The following UNC79 variants were observed in gnomAD, a reference collection of about 807,000 sequenced individuals.
UNC79 encodes the protein protein unc-79 homolog.
UNC79 carries 37 observed loss-of-function variants against 283.1 expected under a neutral mutation model. The observed-to-expected ratio is 0.13, with a 90% CI of 0.10 to 0.17. The LOEUF is 0.17. Ranked by LOEUF, UNC79 falls within the 10% of genes least tolerant of loss-of-function variation. UNC79 has a pLI of 1.00. For missense variants in UNC79, 2,272 were observed against 3,211.1 expected (o/e 0.71, Z 7.07); for synonymous variants, 1,107 against 1,200.2 (o/e 0.92, Z 1.61).
rs564703085 is a variant in UNC79, at chr14:93,581,374, T to C, written c.2662-829T>C. Among the ~76,000 whole-genome samples the C allele has an allele frequency of 2.3e-3, 347 of 151,682 alleles. 3 individuals carry two copies. Among genetic ancestry groups the C allele is most frequent in the African/African-American group, 8.1e-3 (333 of 41,330 alleles). On this transcript the variant is annotated intron_variant, in intron 19 of 48. Transcript: ENST00000555664. ...TTCTTTTAGAGATGAGGTCTCACTA[T>C]GTTGCCCAGGCTGGTCTCAAATCCT...
chr14:93,646,784 A>C (rs1317021912), intron 35 of UNC79, 138 bp downstream of exon 38: 1 of 841,362 alleles, frequency 1.2e-6, no homozygotes, highest in African/African-American at 1.7e-5. Flanking sequence ...CCAGGGTGGG[A>C]GGATCACTCG....
chr14:93,509,252 A>G (rs923549908), intron 7 of UNC79, among the ~76,000 whole-genome samples: 1 of 152,184 alleles, frequency 6.6e-6, no homozygotes, highest in African/African-American at 2.4e-5. Flanking sequence ...GGGAATTACA[A>G]TTCAACATGA....
chr14:93,465,250 G>A (rs1436091699), intron 1 of UNC79, among the ~76,000 whole-genome samples: 4 of 152,030 alleles, frequency 2.6e-5, no homozygotes, highest in Admixed American at 6.6e-5. Flanking sequence ...ACATATATAT[G>A]CAGATATGTA....
In UNC79 at chr14:93,694,264, C is replaced by T. The variant is rs368476021; in HGVS notation, c.7471-71C>T. The T allele has an allele frequency of 8.4e-6, 12 of 1,431,552 alleles. No individual in the cohort carries two copies. The Admixed American group carries it at 1.2e-4, about 14-fold the overall frequency. The allele number at this position is 1,431,552 out of a possible 1,614,324, so 88.7% of individuals were successfully genotyped here. A position where few individuals can be genotyped will look rare whatever the true frequency, so the allele number is the denominator to read the frequency against. On this transcript the variant is annotated intron_variant, in intron 46 of 48. Coordinates refer to ENST00000555664, the Ensembl canonical transcript of UNC79. ...ATGGGCACAGGACATCGGTCTTCTG[C>T]GGCTGCAAACTAGTTTGCAAGGTTT...
chr14:93,500,340 T>C (rs952361094), intron 7 of UNC79, among the ~76,000 whole-genome samples: 13 of 152,236 alleles, frequency 8.5e-5, no homozygotes, highest in African/African-American at 3.1e-4. Context: ...TTCCATTCTT[T>C]CAGCAGTCTG....
At chr14:93,669,894 G>A (rs1042318925) in intron 40 of UNC79, among the ~76,000 whole-genome samples, 1 of 152,122 alleles carries the variant, frequency 6.6e-6, no homozygotes, top group South Asian at 2.1e-4. Context: ...TCCTAACAAA[G>A]CATTCAGCAC....
At chr14:93,668,847 C>CAA (rs1378407942) in intron 40 of UNC79, among the ~76,000 whole-genome samples, 1 of 130,068 alleles carries the variant, frequency 7.7e-6, no homozygotes, top group African/African-American at 2.9e-5. Flanking sequence ...CTGTGTCCTT[C>CAA]ACAAAAAAAA....
At chr14:93,440,571 C>A (rs1339108132) in intron 1 of UNC79, among the ~76,000 whole-genome samples, 1 of 147,946 alleles carries the variant, frequency 6.8e-6, no homozygotes, top group Non-Finnish European at 1.5e-5. Context: ...GCATTTCATG[C>A]AATATATTTT....
chr14:93,482,874 T>G (rs1012227443), intron 4 of UNC79, among the ~76,000 whole-genome samples: 2 of 152,132 alleles, frequency 1.3e-5, no homozygotes, highest in Non-Finnish European at 2.9e-5. Context: ...AGCAAAACCG[T>G]CTAGCTTCCC....
At chr14:93,613,200 A>T (rs1209430680) in intron 27 of UNC79, 117 bp downstream of exon 28, 1 of 1,345,090 alleles carries the variant, frequency 7.4e-7, no homozygotes, top group Non-Finnish European at 1.0e-6. Context: ...ATTGCTTGGT[A>T]TTATGCAGGA....
chr14:93,507,100 T>C (rs1483528562), intron 7 of UNC79, among the ~76,000 whole-genome samples: 5 of 152,232 alleles, frequency 3.3e-5, no homozygotes, highest in Non-Finnish European at 7.4e-5. Context: ...TTTTTATTGC[T>C]AAGTATTCCA....
At chr14:93,341,604 CAAAAAAA>C (rs952789518) in intron 1 of UNC79, among the ~76,000 whole-genome samples, 15 of 62,712 alleles carry the variant, frequency 2.4e-4, no homozygotes, top group Non-Finnish European at 5.2e-4. Flanking sequence ...TCTGTCTCTA[CAAAAAAA>C]AAAAAAAAAA....
At chr14:93,693,261 A>T (rs113909220) in intron 46 of UNC79, among the ~76,000 whole-genome samples, 1,899 of 152,306 alleles carry the variant, frequency 0.012, 39 homozygotes, top group Non-Finnish European at 0.019. Context: ...AGATTCTAGG[A>T]CTAATGAAGA....
exon 41 of UNC79, chr14:93,673,402 G>T: frequency 6.2e-7 from 1 of 1,613,142 alleles, no homozygotes; most frequent in Non-Finnish European, 8.5e-7. Context: ...ACTTCTGCAG[G>T]CCCTAAAGCT....
upstream of UNC79, among the ~76,000 whole-genome samples, chr14:93,427,492 CCTAT>C (rs1187104708): frequency 3.3e-5 from 5 of 151,860 alleles, no homozygotes; most frequent in African/African-American, 4.8e-5. Context: ...ATGTAATTAC[CCTAT>C]CTAAAATTTT....
intron 22 of UNC79, among the ~76,000 whole-genome samples, chr14:93,589,340 A>G (rs547816492): frequency 2.6e-5 from 4 of 152,262 alleles, no homozygotes; most frequent in African/African-American, 9.6e-5. Flanking sequence ...TCTGGGATCC[A>G]TTCTACGATT....
upstream of UNC79, among the ~76,000 whole-genome samples, chr14:93,428,709 G>A (rs2055783337): frequency 1.3e-5 from 2 of 152,212 alleles, no homozygotes; most frequent in South Asian, 4.1e-4. Context: ...GCTAATAGCA[G>A]CCATCACTCA....
chr14:93,535,546 T>C (rs1196364405), intron 11 of UNC79, among the ~76,000 whole-genome samples: 1 of 152,140 alleles, frequency 6.6e-6, no homozygotes, highest in Non-Finnish European at 1.5e-5. Context: ...TGGAGATAGC[T>C]TGTCTCTGTT....
At chr14:93,501,755 T>C (rs2059303594) in intron 7 of UNC79, among the ~76,000 whole-genome samples, 1 of 152,186 alleles carries the variant, frequency 6.6e-6, no homozygotes, top group Non-Finnish European at 1.5e-5. Flanking sequence ...GAAATGACTA[T>C]TGTTAACATT....
Sources: gnomAD v4.1 joint callset for allele counts (sites outside exome capture counted in the v4.1 genomes callset) on GRCh38, gnomAD v4.1.1 for gene constraint, MANE v1.5 for transcripts, NCBI Gene and HGNC (gene_info 2026-07-23, HGNC 2026-07-21) for gene names.